The following ARMC9 variants were observed in gnomAD, a reference collection of about 807,000 sequenced individuals.
The protein encoded by ARMC9 is lisH domain-containing protein ARMC9.
ARMC9 carries 94 observed loss-of-function variants against 107.0 expected under a neutral mutation model. That is an observed-to-expected ratio of 0.88 (90% CI 0.74 to 1.04). ARMC9 has a LOEUF of 1.04. Among genes scored for constraint, ARMC9 ranks in the 50% least tolerant of loss-of-function variants. ARMC9 has a pLI of 0.00. For missense variants in ARMC9, 942 were observed against 1,030.1 expected (o/e 0.91, Z 1.17); for synonymous variants, 380 against 396.9 (o/e 0.96, Z 0.51).
At chr2:231,367,545 G>A (rs910458252) in intron 23 of ARMC9, among the ~76,000 whole-genome samples, 11 of 152,184 alleles carry the variant, frequency 7.2e-5, no homozygotes, top group Admixed American at 5.9e-4. Context: ...ACTAACCCCT[G>A]CCCTTACCAG....
At chr2:231,202,628 A>G (rs1393761065) in intron 1 of ARMC9, among the ~76,000 whole-genome samples, 1 of 151,792 alleles carries the variant, frequency 6.6e-6, no homozygotes, top group Admixed American at 6.6e-5. Flanking sequence ...AGCCTGTTTC[A>G]CTTCTAATCA....
rs59261270 is a variant in ARMC9 at position 231,320,558 on chromosome 2, C to CA, written c.1774-11219dup. On this transcript the variant is annotated intron_variant, in intron 19 of 24. Coordinates refer to ENST00000611582, the MANE Select transcript of ARMC9 (RefSeq NM_001352754.2). ...AAGTTCATCTGTGGCCCCTCATGGA[C>CA]AAAAAAAAAAAAAAAAGATAGTGTC... Among the ~76,000 whole-genome samples, 612 of 96,078 alleles carry CA rather than the reference C, an allele frequency of 6.4e-3. 1 individual carries two copies. Among genetic ancestry groups the CA allele is most frequent in the Non-Finnish European group, 9.3e-3 (365 of 39,046 alleles). The allele number at this position is 96,078 out of a possible 152,430, so 63.0% of individuals were successfully genotyped here.
At chr2:231,313,479 G>A (rs1373277944) in intron 19 of ARMC9, among the ~76,000 whole-genome samples, 1 of 152,076 alleles carries the variant, frequency 6.6e-6, no homozygotes, top group African/African-American at 2.4e-5. Context: ...TTTTATTGAG[G>A]ATATAATTTA....
intron 3 of ARMC9, among the ~76,000 whole-genome samples, chr2:231,211,532 CAA>C (rs879262682): frequency 3.6e-5 from 5 of 137,750 alleles, no homozygotes; most frequent in Non-Finnish European, 4.8e-5. Flanking sequence ...GACTTTGTCT[CAA>C]AAAAAAAAAA....
chr2:231,202,463 C>T (rs1000723884), intron 1 of ARMC9, among the ~76,000 whole-genome samples: 2 of 151,708 alleles, frequency 1.3e-5, no homozygotes, highest in African/African-American at 4.8e-5. Flanking sequence ...GCTGGGATTA[C>T]AGGCACACAC....
At position 231,291,349 on chromosome 2, in the gene ARMC9, C is replaced by T. The variant is rs114592321; in HGVS notation, c.1627-4C>T. ...TTAACTATTACTTTCGCCAATACTT[C>T]TAGGGAATGGAAGACATCCTACGCT... On this transcript the variant is annotated splice_polypyrimidine_tract_variant and splice_region_variant and intron_variant, in intron 17 of 24. Transcript: ENST00000611582. 3,440 of 1,612,234 alleles carry T rather than the reference C, an allele frequency of 2.1e-3. 50 individuals are homozygous for T. The African/African-American group carries it at 0.041, about 19-fold the overall frequency.
At chr2:231,298,388 T>C (rs2041513887) in intron 19 of ARMC9, among the ~76,000 whole-genome samples, 1 of 152,044 alleles carries the variant, frequency 6.6e-6, no homozygotes, top group Admixed American at 6.6e-5. Context: ...TCTTTCAAAG[T>C]TGGAGGGAAA....
chr2:231,259,139 A>T (rs763607121), intron 11 of ARMC9, 37 bp downstream of exon 11: 1 of 1,542,974 alleles, frequency 6.5e-7, no homozygotes, highest in African/African-American at 1.4e-5. Flanking sequence ...AAACAAAACC[A>T]AACCAGTGCT....
intron 20 of ARMC9, among the ~76,000 whole-genome samples, chr2:231,336,714 G>T (rs1319833102): frequency 6.6e-6 from 1 of 152,212 alleles, no homozygotes. Context: ...TGGTTAAAGT[G>T]CAGGTTCCTG....
chr2:231,333,179 G>T (rs2043856039), intron 20 of ARMC9, among the ~76,000 whole-genome samples: 1 of 152,202 alleles, frequency 6.6e-6, no homozygotes, highest in South Asian at 2.1e-4. Flanking sequence ...GCAGTGCTTG[G>T]TGGTGGGACT....
Position 231,206,322 on chromosome 2 carries a change from G to A in ARMC9, c.51+33G>A, listed in dbSNP as rs752627766. 7.0e-6 allele frequency: 11 copies of A among 1,575,368 alleles called. No individual in the cohort carries two copies. In the Admixed American group the frequency reaches 1.8e-4, roughly 26 times the overall value. On this transcript the variant is annotated intron_variant, in intron 2 of 24. Coordinates refer to ENST00000611582, the MANE Select transcript of ARMC9 (RefSeq NM_001352754.2). ...TATTATACAAAGCAGAGGTCACAGA[G>A]AAACAGATCTTGAAAACTTGTGTTT...
chr2:231,200,889 A>G (rs1056004656), intron 1 of ARMC9, among the ~76,000 whole-genome samples: 1 of 151,380 alleles, frequency 6.6e-6, no homozygotes, highest in African/African-American at 2.4e-5. Context: ...GGGGTTTTTC[A>G]TGGAAGACTT....
At chr2:231,210,535 T>A (rs1253557428) in intron 3 of ARMC9, among the ~76,000 whole-genome samples, 1 of 152,198 alleles carries the variant, frequency 6.6e-6, no homozygotes, top group Non-Finnish European at 1.5e-5. Flanking sequence ...AAATCCTCAA[T>A]ACCTAACTAG....
intron 9 of ARMC9, among the ~76,000 whole-genome samples, chr2:231,240,906 T>G (rs1394635865): frequency 6.6e-6 from 1 of 152,098 alleles, no homozygotes. Context: ...TTAAAAAAAA[T>G]AGAACATTTT....
chr2:231,242,047 A>G (rs778838961), intron 9 of ARMC9, among the ~76,000 whole-genome samples: 15 of 152,144 alleles, frequency 9.9e-5, no homozygotes, highest in Non-Finnish European at 1.9e-4. Context: ...AGTCCGCCAC[A>G]TGTGGCTGAA....
At chr2:231,322,919 G>A (rs1483006326) in intron 19 of ARMC9, among the ~76,000 whole-genome samples, 2 of 152,082 alleles carry the variant, frequency 1.3e-5, no homozygotes, top group East Asian at 1.9e-4. Flanking sequence ...AAAATATGTC[G>A]TTTCGTTTGG....
In ARMC9 at chr2:231,255,994, T is replaced by A. The variant is rs1383356963; in HGVS notation, c.880-592T>A. 18 of 1,172,094 alleles carry A rather than the reference T, an allele frequency of 1.5e-5. No individual in the cohort carries two copies. Among genetic ancestry groups the A allele is most frequent in the Non-Finnish European group, 2.1e-5 (18 of 855,500 alleles). The allele number at this position is 1,172,094 out of a possible 1,614,324, so 72.6% of individuals were successfully genotyped here. Reference sequence around the variant, plus strand: ...GGCGGAGGTTGCGGTGAGCCAAGATTGCGCCACTGCTCTCCAGCCTGGGTG... The same window carrying A: ...GGCGGAGGTTGCGGTGAGCCAAGATAGCGCCACTGCTCTCCAGCCTGGGTG... On this transcript the variant is annotated intron_variant, in intron 9 of 24. Transcript: ENST00000611582. The surrounding 1 kb of genome is among the most constrained non-coding windows in gnomAD (Gnocchi z 4.7).
intron 22 of ARMC9, among the ~76,000 whole-genome samples, chr2:231,359,492 T>C (rs1469165171): frequency 6.6e-6 from 1 of 152,034 alleles, no homozygotes; most frequent in Non-Finnish European, 1.5e-5. Flanking sequence ...CTCATGGTCT[T>C]GGGACACTCC....
At chr2:231,370,478 G>T (rs2045973019) in intron 24 of ARMC9, 3 of 213,998 alleles carry the variant, frequency 1.4e-5, no homozygotes, top group Middle Eastern at 1.7e-3. Flanking sequence ...CTGCCCCGGG[G>T]TTGGCCCTGA....
Sources: allele counts gnomAD v4.1 joint callset (sites outside exome capture counted in the v4.1 genomes callset), GRCh38; gene constraint gnomAD v4.1.1; non-coding constraint Gnocchi (gnomAD v3.1); transcripts MANE v1.5; gene names NCBI Gene and HGNC (gene_info 2026-07-23, HGNC 2026-07-21).